Variants in THOC5 observed in about 807,000 individuals in gnomAD.
THOC5 encodes the protein THO complex subunit 5.
Under a neutral mutation model 92.9 loss-of-function variants are expected in THOC5, and 43 were observed. That is an observed-to-expected ratio of 0.46 (90% confidence interval 0.36 to 0.60). THOC5 has a LOEUF of 0.60. THOC5 is among the 20% of genes least tolerant of loss of function. THOC5 has a pLI of 0.00. For missense variants in THOC5, 659 were observed against 849.4 expected (o/e 0.78, Z 2.79); for synonymous variants, 296 against 320.1 (o/e 0.92, Z 0.80).
chr22:29,513,017 G>T (rs1028137253), intron 17 of THOC5, among the ~76,000 whole-genome samples: 3 of 152,196 alleles, frequency 2.0e-5, no homozygotes, highest in African/African-American at 7.2e-5. Context: ...CAGAGGAGAG[G>T]AGAGGTTAAC....
At chr22:29,543,938 T>C (rs187412547) in intron 3 of THOC5, among the ~76,000 whole-genome samples, 4 of 152,160 alleles carry the variant, frequency 2.6e-5, no homozygotes, top group Non-Finnish European at 5.9e-5. Flanking sequence ...CTAGAATAGA[T>C]TGAATGCAAT....
chr22:29,518,051 T>C (rs928420466), intron 15 of THOC5, among the ~76,000 whole-genome samples: 2 of 152,212 alleles, frequency 1.3e-5, no homozygotes, highest in Non-Finnish European at 2.9e-5. Flanking sequence ...CTTTTTATTT[T>C]GAGATGGAGT....
Position 29,544,576 on chromosome 22 carries a change from C to T in THOC5, c.124G>A (p.Glu42Lys), listed in dbSNP as rs556759265. The T allele has an allele frequency of 5.0e-6, 8 of 1,613,336 alleles. No homozygotes were observed. The highest frequency in any genetic ancestry group is 2.2e-5 in the East Asian group (1 of 44,820). ...QEGKYYSEEAEVDLRDPGRDY... is the reference protein window; with the variant it reads ...QEGKYYSEEAKVDLRDPGRDY... ...CTGCCAGGGTCCCGCAGATCCACCT[C>T]GGCCTCCTCACTGTAGTATTTACCT... Residue 42 changes from glutamate to lysine, a missense_variant, in exon 3 of 20, where the codon GAG (glutamate) becomes AAG (lysine). Physicochemically the swap from Glu to Lys is moderately conservative, Grantham distance 56 (BLOSUM62 1). Coordinates refer to ENST00000490103, the MANE Select transcript of THOC5 (RefSeq NM_003678.5).
chr22:29,550,443 C>T (rs1385004223), intron 1 of THOC5, among the ~76,000 whole-genome samples: 1 of 151,996 alleles, frequency 6.6e-6, no homozygotes, highest in Admixed American at 6.6e-5. Flanking sequence ...AAAGCATCCT[C>T]CCTTGTTGCC....
intron 15 of THOC5, among the ~76,000 whole-genome samples, 196 bp from the exon 16 acceptor site, chr22:29,517,562 T>C (rs2063357733): frequency 6.6e-6 from 1 of 152,232 alleles, no homozygotes; most frequent in South Asian, 2.1e-4. Context: ...CCCAGTGCTA[T>C]GTGCTTGTGG....
At chr22:29,542,797 A>T in intron 5 of THOC5, 62 bp downstream of exon 5, 1 of 1,118,122 alleles carries the variant, frequency 8.9e-7, no homozygotes, top group Non-Finnish European at 1.3e-6. Flanking sequence ...ACAGTGAGCT[A>T]CATGGGAAAA....
chr22:29,541,876 AAAAAAAAAAAAAAAAAAATATATATAT>A lies in THOC5; in HGVS notation c.452+956_452+982del, dbSNP rs1361189600. 7.8e-3 allele frequency among the ~76,000 whole-genome samples: 560 copies of A among 72,166 alleles called. 3 individuals carry two copies. Among genetic ancestry groups the A allele is most frequent in the African/African-American group, 0.024 (531 of 22,586 alleles). 47.3% of individuals were successfully genotyped at this position (72,166 alleles called of 152,430 possible). On this transcript the variant is annotated intron_variant, in intron 5 of 19. Transcript: ENST00000490103. ...ACTCCATCTCCAAAAAAAAAAAAAA[AAAAAAAAAAAAAAAAAAATATATATAT>A]ATATATATATATATATATATCCTGG...
At chr22:29,547,888 C>A (rs75715059) in intron 2 of THOC5, among the ~76,000 whole-genome samples, 2 of 152,112 alleles carry the variant, frequency 1.3e-5, no homozygotes, top group Admixed American at 1.3e-4. Flanking sequence ...AAAGACATAC[C>A]TGAAATTGGG....
chr22:29,529,046 A>G (rs2063601025), intron 9 of THOC5, 116 bp downstream of exon 9: 1 of 1,036,738 alleles, frequency 9.6e-7, no homozygotes. Context: ...GTGCTAAGAC[A>G]TTCAAGTCAA....
Position 29,531,850 on chromosome 22 carries a change from A to G in THOC5, c.828T>C (p.Thr276=), listed in dbSNP as rs770407568. Residue 276 remains threonine, a synonymous_variant, in exon 8 of 20, where the codon ACT becomes ACC. Coordinates refer to ENST00000490103, the MANE Select transcript of THOC5 (RefSeq NM_003678.5). ...ACTCACCACAGGCCTGCCCATACGC[A>G]GTGGCCTGAACAAAGAGGACATAGA... ...PPLYVLFVQA[T]AYGQACDKTL... is the part of the protein sequence containing the mutation. 2.5e-6 allele frequency: 4 copies of G among 1,614,106 alleles called. No homozygotes were observed. The highest frequency in any genetic ancestry group is 4.5e-5 in the East Asian group (2 of 44,876).
At chr22:29,549,218 G>A in intron 1 of THOC5, 60 bp from the exon 2 acceptor site, 1 of 1,463,976 alleles carries the variant, frequency 6.8e-7, no homozygotes, top group South Asian at 1.2e-5. Flanking sequence ...AGTCAAACTA[G>A]CAGTTCTGGC....
In THOC5 at chr22:29,505,920, C is replaced by T. The variant is rs1214704912; in HGVS notation, c.*2537G>A. ...CTCTGTTGTCCAGATGGTGCAGTGGCACCATCTCGGCTCAGTGCAACCTCC... is the reference window on the plus strand; with the variant it reads ...CTCTGTTGTCCAGATGGTGCAGTGGTACCATCTCGGCTCAGTGCAACCTCC... On this transcript the variant is annotated 3_prime_UTR_variant, in exon 20 of 20. Transcript: ENST00000490103. 1 of 151,500 alleles carries T rather than the reference C, an allele frequency of 6.6e-6. No homozygotes were observed. The highest frequency in any genetic ancestry group is 6.6e-5 in the Admixed American group (1 of 15,194). 9.4% of individuals were successfully genotyped at this position (151,500 alleles called of 1,614,324 possible).
At chr22:29,532,841 G>T (rs1906333136) in intron 7 of THOC5, among the ~76,000 whole-genome samples, 1 of 152,028 alleles carries the variant, frequency 6.6e-6, no homozygotes, top group Non-Finnish European at 1.5e-5. Context: ...GGCCAAGTGT[G>T]GGGGCACGCA....
At chr22:29,539,534 A>T in intron 5 of THOC5, 58 bp from the exon 6 acceptor site, 1 of 1,575,412 alleles carries the variant, frequency 6.3e-7, no homozygotes, top group Non-Finnish European at 8.6e-7. Context: ...CTGTAGTTTA[A>T]GCAGGCCCAA....
intron 12 of THOC5, 141 bp from the exon 13 acceptor site, chr22:29,521,240 C>T (rs1239585281): frequency 1.5e-5 from 10 of 651,128 alleles, no homozygotes; most frequent in African/African-American, 3.6e-5. Flanking sequence ...TGGGCCAGAC[C>T]GTTTATATGC....
chr22:29,528,340 GCTT>G (rs1569219711), intron 10 of THOC5, 83 bp downstream of exon 10: 3 of 1,613,978 alleles, frequency 1.9e-6, no homozygotes, highest in Non-Finnish European at 2.5e-6. Context: ...CACCTCTTCT[GCTT>G]CTAGGGAGGA....
At position 29,507,899 on chromosome 22, in the gene THOC5, G is replaced by A. The variant is rs1292519382; in HGVS notation, c.*558C>T. On this transcript the variant is annotated 3_prime_UTR_variant, in exon 20 of 20. Coordinates refer to ENST00000490103, the MANE Select transcript of THOC5 (RefSeq NM_003678.5). ...GGGTGTTGGTGCCCCTAACCCCTGA[G>A]TTGTTCAAGGATCAACTGAGTTTGT... is the stretch of plus-strand genomic sequence containing the variant. The A allele has an allele frequency of 1.3e-5, 2 of 154,446 alleles. No homozygotes were observed. Among genetic ancestry groups the A allele is most frequent in the African/African-American group, 4.8e-5 (2 of 41,468 alleles). The allele number at this position is 154,446 out of a possible 1,614,324, so 9.6% of individuals were successfully genotyped here. A position where few individuals can be genotyped will look rare whatever the true frequency, so the allele number is the denominator to read the frequency against.
chr22:29,516,702 G>C (rs1053540060), intron 17 of THOC5, among the ~76,000 whole-genome samples: 1 of 152,224 alleles, frequency 6.6e-6, no homozygotes, highest in Non-Finnish European at 1.5e-5. Flanking sequence ...AGAAGGAGGA[G>C]ATGTCCGGTA....
intron 3 of THOC5, 94 bp downstream of exon 3, chr22:29,544,366 G>A (rs2063967689): frequency 7.3e-7 from 1 of 1,368,710 alleles, no homozygotes; most frequent in Non-Finnish European, 9.9e-7. Context: ...GGCTAGGACA[G>A]AAGATCAAGA....
Sources: allele counts gnomAD v4.1 joint callset (sites outside exome capture counted in the v4.1 genomes callset), GRCh38; gene constraint gnomAD v4.1.1; transcripts MANE v1.5; gene names NCBI Gene and HGNC (gene_info 2026-07-23, HGNC 2026-07-21).